Variants in KCNH5 observed in about 807,000 individuals in gnomAD.
The protein encoded by KCNH5 is voltage-gated delayed rectifier potassium channel KCNH5.
KCNH5 carries 46 observed loss-of-function variants against 96.1 expected under a neutral mutation model. The ratio of observed to expected loss-of-function variants is 0.48; its 90% CI spans 0.38 to 0.61. The LOEUF is 0.61. Ranked by LOEUF, KCNH5 falls within the 20% of genes least tolerant of loss-of-function variation. The pLI, the probability that KCNH5 is intolerant of heterozygous loss-of-function variation, is 0.00. For synonymous variants in KCNH5, 439 were observed against 449.8 expected (o/e 0.98, Z 0.30); for missense variants, 907 against 1,225.8 (o/e 0.74, Z 3.88).
intron 7 of KCNH5, among the ~76,000 whole-genome samples, chr14:62,948,573 C>A (rs2140129058): frequency 6.6e-6 from 1 of 151,896 alleles, no homozygotes; most frequent in Admixed American, 6.5e-5. Flanking sequence ...CGAATTCTAC[C>A]AGAGGTATAA....
chr14:62,796,797 A>G (rs1265053489), intron 9 of KCNH5, among the ~76,000 whole-genome samples: 3 of 152,220 alleles, frequency 2.0e-5, no homozygotes, highest in African/African-American at 7.2e-5. Flanking sequence ...CAATCAATAT[A>G]TGTAAGAAGT....
intron 6 of KCNH5, among the ~76,000 whole-genome samples, chr14:62,975,431 G>A (rs1190963288): frequency 3.3e-5 from 5 of 152,044 alleles, no homozygotes; most frequent in South Asian, 2.1e-4. Context: ...TGAAGAAGCC[G>A]ATAAACGTGT....
chr14:62,837,306 C>A (rs1412778821), intron 8 of KCNH5, among the ~76,000 whole-genome samples: 1 of 152,196 alleles, frequency 6.6e-6, no homozygotes, highest in Non-Finnish European at 1.5e-5. Context: ...ATTCCAGAGA[C>A]TGGAACAATG....
In KCNH5 at chr14:63,045,279, G is replaced by A. The variant is rs1055535659; in HGVS notation, c.-93C>T. On this transcript the variant is annotated 5_prime_UTR_variant, in exon 1 of 11. Transcript: ENST00000322893. Reference sequence around the variant, plus strand: ...AGGAAGAGGAGGAAAAGGTGGAAGAGAAGATTGAGCCGAAAGAAGAGGGGG... The same window carrying A: ...AGGAAGAGGAGGAAAAGGTGGAAGAAAAGATTGAGCCGAAAGAAGAGGGGG... 12 of 1,043,884 alleles carry A rather than the reference G, an allele frequency of 1.1e-5. No individual in the cohort carries two copies. The highest frequency in any genetic ancestry group is 2.9e-4 in the Middle Eastern group (1 of 3,420). The allele number at this position is 1,043,884 out of a possible 1,614,324, so 64.7% of individuals were successfully genotyped here.
intron 4 of KCNH5, 115 bp downstream of exon 4, chr14:63,001,216 A>T (rs1891004269): frequency 1.2e-6 from 1 of 856,774 alleles, no homozygotes; most frequent in African/African-American, 1.7e-5. Context: ...ATGAAGCAAA[A>T]GAAAGGCCAC....
chr14:62,832,713 C>T (rs113824769), intron 8 of KCNH5, among the ~76,000 whole-genome samples: 6 of 152,252 alleles, frequency 3.9e-5, no homozygotes, highest in African/African-American at 1.4e-4. Context: ...ATCATTTTTA[C>T]ATTCCCACCA....
chr14:62,734,541 C>G (rs1275941952), intron 10 of KCNH5, among the ~76,000 whole-genome samples: 1 of 152,108 alleles, frequency 6.6e-6, no homozygotes, highest in African/African-American at 2.4e-5. Context: ...AAAGCACCAT[C>G]ATTTCTTTCC....
rs767030350 is a variant in KCNH5 at position 62,950,222 on chromosome 14, A to G, written c.1280T>C (p.Met427Thr). Reference sequence around the variant, plus strand: ...AAATCCTATGGTTGTAAGGCTTGTCATGGTAAAGTAGAGAGAGGACACGTA... The same window carrying G: ...AAATCCTATGGTTGTAAGGCTTGTCGTGGTAAAGTAGAGAGAGGACACGTA... ...SLYVSSLYFT[M>T]TSLTTIGFGN... The change falls in exon 7 of 11, where the codon ATG (methionine) becomes ACG (threonine). Residue 427 changes from methionine to threonine, a missense_variant. Physicochemically the swap from Met to Thr is moderately conservative, Grantham distance 81. Coordinates refer to ENST00000322893, the MANE Select transcript of KCNH5 (RefSeq NM_139318.5). The G allele has an allele frequency of 8.7e-6, 14 of 1,613,824 alleles. No individual in the cohort carries two copies. The South Asian group carries it at 1.3e-4, about 15-fold the overall frequency.
chr14:62,937,708 G>A (rs1181305543), intron 7 of KCNH5, among the ~76,000 whole-genome samples: 1 of 152,156 alleles, frequency 6.6e-6, no homozygotes, highest in African/African-American at 2.4e-5. Context: ...TTCATTTTAG[G>A]GGCAGCTGTT....
At chr14:63,013,178 T>C (rs1891261457) in intron 2 of KCNH5, among the ~76,000 whole-genome samples, 1 of 152,030 alleles carries the variant, frequency 6.6e-6, no homozygotes, top group Admixed American at 6.5e-5. Flanking sequence ...CCTCTTGATA[T>C]TATAAAAACA....
At chr14:63,008,912 C>A (rs1034576915) in intron 2 of KCNH5, among the ~76,000 whole-genome samples, 24 of 151,918 alleles carry the variant, frequency 1.6e-4, no homozygotes, top group Non-Finnish European at 3.4e-4. Flanking sequence ...TTTTTATAGA[C>A]AAGTGAAATT....
chr14:62,857,446 A>G (rs1887951460), intron 7 of KCNH5, among the ~76,000 whole-genome samples: 1 of 152,180 alleles, frequency 6.6e-6, no homozygotes, highest in Non-Finnish European at 1.5e-5. Context: ...CTAATAGGAT[A>G]TATCTTCACT....
intron 7 of KCNH5, among the ~76,000 whole-genome samples, chr14:62,909,897 T>C (rs1889116555): frequency 6.6e-6 from 1 of 152,118 alleles, no homozygotes; most frequent in African/African-American, 2.4e-5. Flanking sequence ...TTATCTCTTC[T>C]AACGAAAAAT....
intron 5 of KCNH5, among the ~76,000 whole-genome samples, chr14:62,982,979 T>G (rs987023230): frequency 1.3e-5 from 2 of 152,214 alleles, no homozygotes; most frequent in Non-Finnish European, 2.9e-5. Flanking sequence ...TCTTTTCTTT[T>G]GCTTTTCAAC....
chr14:62,793,266 C>A lies in KCNH5; in HGVS notation c.1822+9063G>T, dbSNP rs1886471253. 7.9e-5 allele frequency among the ~76,000 whole-genome samples: 12 copies of A among 151,804 alleles called. No homozygotes were observed. In the South Asian group the frequency reaches 2.5e-3, roughly 31 times the overall value. On this transcript the variant is annotated intron_variant, in intron 9 of 10. Transcript: ENST00000322893. ...CTTCACAACACAGTACTGTGAACTT[C>A]AAAATTTGTTAAGAGGGTAGATCTC... is the stretch of plus-strand genomic sequence containing the variant.
rs200869476 is a variant in KCNH5 at position 63,004,770 on chromosome 14, AT to A, written c.304+1595del. 6.8e-3 allele frequency among the ~76,000 whole-genome samples: 1,010 copies of A among 149,386 alleles called. 9 individuals carry two copies. The highest frequency in any genetic ancestry group is 0.023 in the African/African-American group (921 of 40,772). Reference sequence around the variant, plus strand: ...TAGGCATGTGCCTCCATGCCCAGCTATTTTTTTTTTCATAGAGGCAGGGTCT... The same window carrying A: ...TAGGCATGTGCCTCCATGCCCAGCTATTTTTTTTTCATAGAGGCAGGGTCT... On this transcript the variant is annotated intron_variant, in intron 3 of 10. Coordinates refer to ENST00000322893, the MANE Select transcript of KCNH5 (RefSeq NM_139318.5).
chr14:63,002,755 G>A (rs528496391), intron 3 of KCNH5, among the ~76,000 whole-genome samples: 50 of 152,292 alleles, frequency 3.3e-4, no homozygotes, highest in Admixed American at 2.3e-3. Flanking sequence ...GATTTCTATG[G>A]GACTATTCAG....
chr14:62,708,017 C>T lies in KCNH5; in HGVS notation c.2458G>A (p.Ala820Thr). Residue 820 changes from alanine (A) to threonine (T), a missense_variant, in exon 11 of 11, where the codon GCC (alanine) becomes ACC (threonine). Coordinates refer to ENST00000322893, the MANE Select transcript of KCNH5 (RefSeq NM_139318.5). ...GWLRLKNNMG[A>T]HEEKKEDWNN... ...CAGTCTTCCTTTTTCTCCTCATGGG[C>T]TCCCATATTATTCTTGAGTCGCAGC... is the stretch of plus-strand genomic sequence containing the variant. 10 of 1,614,186 alleles carry T rather than the reference C, an allele frequency of 6.2e-6. No individual in the cohort carries two copies. The highest frequency in any genetic ancestry group is 8.5e-6 in the Non-Finnish European group (10 of 1,180,032).
chr14:62,830,513 C>T (rs1887322097), intron 8 of KCNH5, among the ~76,000 whole-genome samples: 1 of 152,138 alleles, frequency 6.6e-6, no homozygotes, highest in African/African-American at 2.4e-5. Context: ...GAAGCAACGA[C>T]CTTATTCACA....
Sources: allele counts gnomAD v4.1 joint callset (sites outside exome capture counted in the v4.1 genomes callset), GRCh38; gene constraint gnomAD v4.1.1; transcripts MANE v1.5; gene names NCBI Gene and HGNC (gene_info 2026-07-23, HGNC 2026-07-21).